The following CLYBL variants were observed in gnomAD, a reference collection of about 807,000 sequenced individuals.
CLYBL encodes citramalyl-CoA lyase, mitochondrial.
CLYBL carries 31 observed loss-of-function variants against 38.9 expected under a neutral mutation model. The observed-to-expected ratio is 0.80, with a 90% CI of 0.60 to 1.08. The LOEUF (loss-of-function observed/expected upper bound fraction) is 1.08. Ranked by LOEUF, CLYBL falls within the 50% of genes least tolerant of loss-of-function variation. The pLI is 0.00. For missense variants in CLYBL, 434 were observed against 411.6 expected, an observed-to-expected ratio of 1.05 and a Z score of -0.47; for synonymous variants, 171 against 158.6, an observed-to-expected ratio of 1.08 and a Z score of -0.59.
At chr13:99,671,655 CT>C (rs1241554872) in intron 1 of CLYBL, among the ~76,000 whole-genome samples, 3 of 151,896 alleles carry the variant, frequency 2.0e-5, no homozygotes, top group Non-Finnish European at 4.4e-5. Context: ...TGGTGCGTGC[CT>C]GTAATCCCAG....
chr13:99,836,135 C>A (rs555211293), intron 2 of CLYBL, among the ~76,000 whole-genome samples: 1 of 152,088 alleles, frequency 6.6e-6, no homozygotes, highest in Non-Finnish European at 1.5e-5. Context: ...TTTCTCCTGG[C>A]GCTGCTTGGA....
At chr13:99,889,231 A>C (rs1456915913) in intron 7 of CLYBL, among the ~76,000 whole-genome samples, 1 of 152,146 alleles carries the variant, frequency 6.6e-6, no homozygotes, top group African/African-American at 2.4e-5. Flanking sequence ...ATCTATGCTA[A>C]TTTCGTCTCC....
intron 1 of CLYBL, among the ~76,000 whole-genome samples, chr13:99,658,706 C>T (rs949098603): frequency 6.6e-6 from 1 of 150,772 alleles, no homozygotes; most frequent in Non-Finnish European, 1.5e-5. Context: ...CCGGGTTTAT[C>T]CATTTTGATT....
chr13:99,868,140 C>T (rs528958751), intron 6 of CLYBL, among the ~76,000 whole-genome samples: 4 of 152,008 alleles, frequency 2.6e-5, no homozygotes, highest in Admixed American at 1.3e-4. Flanking sequence ...GGGCACAGTG[C>T]CCATTATATA....
At chr13:99,712,198 C>T (rs74112543) in intron 1 of CLYBL, among the ~76,000 whole-genome samples, 2,208 of 152,248 alleles carry the variant, frequency 0.015, 42 homozygotes, top group African/African-American at 0.047. Context: ...TCTCTTTTGT[C>T]GTATTATACC....
downstream of CLYBL, among the ~76,000 whole-genome samples, chr13:99,899,953 G>A (rs1359514159): frequency 6.6e-6 from 1 of 151,912 alleles, no homozygotes; most frequent in South Asian, 2.1e-4. Flanking sequence ...TTGAGACAGG[G>A]TCTCACTCCT....
intron 1 of CLYBL, among the ~76,000 whole-genome samples, chr13:99,740,748 C>T (rs2048741033): frequency 6.6e-6 from 1 of 152,188 alleles, no homozygotes; most frequent in African/African-American, 2.4e-5. Context: ...ATTGTAATCA[C>T]AGTAATTAGC....
At chr13:99,685,878 C>A (rs1341902289) in intron 1 of CLYBL, among the ~76,000 whole-genome samples, 4 of 152,176 alleles carry the variant, frequency 2.6e-5, no homozygotes, top group Admixed American at 2.6e-4. Context: ...ACGAGAATCG[C>A]TTGAACCCGG....
chr13:99,721,241 C>T (rs569600778), intron 1 of CLYBL, among the ~76,000 whole-genome samples: 1 of 151,854 alleles, frequency 6.6e-6, no homozygotes, highest in Non-Finnish European at 1.5e-5. Flanking sequence ...GACGGGGTTT[C>T]ACCATGTTGG....
intron 1 of CLYBL, among the ~76,000 whole-genome samples, chr13:99,630,577 T>C (rs1422530158): frequency 1.3e-5 from 2 of 152,200 alleles, no homozygotes; most frequent in East Asian, 3.8e-4. Flanking sequence ...GATGAAATCT[T>C]ACCTAGTATA....
intron 1 of CLYBL, among the ~76,000 whole-genome samples, chr13:99,704,714 T>C (rs1218313276): frequency 2.0e-5 from 3 of 151,318 alleles, no homozygotes; most frequent in Non-Finnish European, 4.4e-5. Context: ...ATAAATGTGT[T>C]GTTTAAGTTG....
intron 1 of CLYBL, among the ~76,000 whole-genome samples, chr13:99,683,049 T>A (rs549276448): frequency 1.3e-4 from 19 of 149,774 alleles, no homozygotes; most frequent in Non-Finnish European, 2.5e-4. Flanking sequence ...AACTTTTTAC[T>A]TTATAAACTT....
At chr13:99,798,202 C>T (rs549265973) in intron 2 of CLYBL, among the ~76,000 whole-genome samples, 34 of 152,280 alleles carry the variant, frequency 2.2e-4, no homozygotes, top group Admixed American at 1.8e-3. Context: ...TGTTTCACTG[C>T]GCTCAAATTT....
rs76905581 is a variant in CLYBL, at chr13:99,871,915, C to T, written c.927+853C>T. ...TCCAGAAGGAGTAAAGTTTTGATAC[C>T]TATAATGCAAAATTACTTAGGAGAA... is the stretch of plus-strand genomic sequence containing the variant. On this transcript the variant is annotated intron_variant, in intron 7 of 8. Transcript: ENST00000339105. Among the ~76,000 whole-genome samples, 159 of 150,240 alleles carry T rather than the reference C, an allele frequency of 1.1e-3. 3 individuals are homozygous for T. In the East Asian group the frequency reaches 0.028, roughly 26 times the overall value.
intron 1 of CLYBL, among the ~76,000 whole-genome samples, chr13:99,613,010 A>G (rs943822197): frequency 1.1e-4 from 15 of 132,158 alleles, no homozygotes; most frequent in African/African-American, 3.0e-4. Context: ...GCAAAGCTCT[A>G]TTAAAAATAG....
intron 1 of CLYBL, among the ~76,000 whole-genome samples, chr13:99,631,564 T>C (rs879826047): frequency 6.6e-6 from 1 of 151,842 alleles, no homozygotes; most frequent in Admixed American, 6.6e-5. Flanking sequence ...ATTGTACTAA[T>C]CCCCCTGTAT....
At chr13:99,620,760 G>T (rs1215506674) in intron 1 of CLYBL, among the ~76,000 whole-genome samples, 1 of 151,800 alleles carries the variant, frequency 6.6e-6, no homozygotes, top group African/African-American at 2.4e-5. Flanking sequence ...CTGGGTGACA[G>T]TGAGACTCTG....
At chr13:99,731,284 T>C (rs894219875) in intron 1 of CLYBL, among the ~76,000 whole-genome samples, 1 of 150,762 alleles carries the variant, frequency 6.6e-6, no homozygotes, top group Non-Finnish European at 1.5e-5. Context: ...GTTTCTTTAC[T>C]AAAGCACAAA....
intron 5 of CLYBL, 60 bp from the exon 6 acceptor site, chr13:99,866,180 A>G: frequency 6.6e-7 from 1 of 1,509,066 alleles, no homozygotes; most frequent in Admixed American, 1.8e-5. Flanking sequence ...TTTATAATAA[A>G]TATCTGGGTG....
Sources: gnomAD v4.1 joint callset for allele counts (sites outside exome capture counted in the v4.1 genomes callset) on GRCh38, gnomAD v4.1.1 for gene constraint, MANE v1.5 for transcripts, NCBI Gene and HGNC (gene_info 2026-07-23, HGNC 2026-07-21) for gene names.